CTIF: variants seen among roughly 807,000 people sequenced by gnomAD.
CTIF encodes the protein cap binding complex dependent translation initiation factor, also known as CBP80/20-dependent translation initiation factor.
In CTIF, 21 loss-of-function variants were observed where a neutral mutation model predicts 66.0. That is an observed-to-expected ratio of 0.32 (90% CI 0.23 to 0.46). The LOEUF (loss-of-function observed/expected upper bound fraction) is 0.46. CTIF is among the 20% of genes least tolerant of loss of function. The probability of loss-of-function intolerance (pLI) is 1.00; values close to 1 mark genes in which losing one functional copy is unlikely to be tolerated. For missense variants in CTIF, 739 were observed against 812.7 expected (o/e 0.91, Z 1.10); for synonymous variants, 345 against 326.4 (o/e 1.06, Z -0.62).
chr18:48,708,106 T>A (rs940575964), intron 6 of CTIF, among the ~76,000 whole-genome samples: 1 of 152,234 alleles, frequency 6.6e-6, no homozygotes, highest in Non-Finnish European at 1.5e-5. Context: ...ATAATTTATT[T>A]ATCCAGTCAT....
chr18:48,554,401 G>A (rs1303969774), intron 1 of CTIF, among the ~76,000 whole-genome samples: 4 of 152,218 alleles, frequency 2.6e-5, no homozygotes, highest in Non-Finnish European at 4.4e-5. Flanking sequence ...GCTCCAGGCT[G>A]CCCCTGTACC....
intron 6 of CTIF, among the ~76,000 whole-genome samples, chr18:48,693,190 A>G (rs1480027459): frequency 6.6e-6 from 1 of 152,228 alleles, no homozygotes; most frequent in Non-Finnish European, 1.5e-5. Context: ...CGGTGCCAGC[A>G]TCAGCGGAGG....
At chr18:48,673,125 T>C (rs1025253589) in intron 6 of CTIF, among the ~76,000 whole-genome samples, 1 of 152,048 alleles carries the variant, frequency 6.6e-6, no homozygotes, top group Non-Finnish European at 1.5e-5. Flanking sequence ...GTGGCATGGC[T>C]CCCACCACGT....
At chr18:48,800,677 G>A (rs1193441815) in intron 9 of CTIF, among the ~76,000 whole-genome samples, 2 of 152,194 alleles carry the variant, frequency 1.3e-5, no homozygotes, top group African/African-American at 2.4e-5. Flanking sequence ...CCCTGGCCAG[G>A]CATTTTCATC....
intron 1 of CTIF, among the ~76,000 whole-genome samples, chr18:48,578,535 A>G (rs1414922162): frequency 6.6e-6 from 1 of 152,184 alleles, no homozygotes; most frequent in Non-Finnish European, 1.5e-5. Flanking sequence ...GTAAAGTGGT[A>G]TCTCATTGTG....
intron 7 of CTIF, among the ~76,000 whole-genome samples, chr18:48,721,879 C>G (rs529407456): frequency 1.3e-5 from 2 of 152,292 alleles, no homozygotes; most frequent in East Asian, 3.9e-4. Context: ...TAAGGGTACA[C>G]AGTTTCTCAG....
intron 10 of CTIF, among the ~76,000 whole-genome samples, chr18:48,821,995 C>T (rs1444564808): frequency 6.6e-6 from 1 of 152,096 alleles, no homozygotes; most frequent in South Asian, 2.1e-4. Context: ...TGCACTTCCC[C>T]CTAGCCTCTG....
intron 3 of CTIF, among the ~76,000 whole-genome samples, chr18:48,647,734 G>A (rs1325609387): frequency 6.6e-6 from 1 of 152,216 alleles, no homozygotes; most frequent in East Asian, 1.9e-4. Flanking sequence ...GGGGCAAGGG[G>A]AGGAGCCCTG....
At chr18:48,847,734 C>G (rs2069111628) in intron 10 of CTIF, among the ~76,000 whole-genome samples, 1 of 152,242 alleles carries the variant, frequency 6.6e-6, no homozygotes, top group African/African-American at 2.4e-5. Flanking sequence ...TAGGCAGATA[C>G]TATCCCTGTT....
At chr18:48,592,503 A>G (rs1399561576) in intron 1 of CTIF, among the ~76,000 whole-genome samples, 1 of 151,284 alleles carries the variant, frequency 6.6e-6, no homozygotes, top group Non-Finnish European at 1.5e-5. Context: ...GTCTCAAAAA[A>G]AAAAAAAAAA....
At chr18:48,820,741 T>G (rs927424943) in intron 10 of CTIF, among the ~76,000 whole-genome samples, 1 of 152,070 alleles carries the variant, frequency 6.6e-6, no homozygotes, top group South Asian at 2.1e-4. Context: ...CCCCCGGGGC[T>G]CCCCTGCAGT....
Position 48,758,080 on chromosome 18 carries a change from G to A in CTIF, c.746G>A (p.Arg249His), listed in dbSNP as rs999388776. The A allele has an allele frequency of 7.4e-6, 12 of 1,613,896 alleles. No homozygotes were observed. The highest frequency in any genetic ancestry group is 5.3e-5 in the African/African-American group (4 of 74,866). The change falls in exon 8 of 12, where the codon CGC becomes CAC. Residue 249 changes from arginine (R) to histidine (H), a missense_variant. Around this residue, in one of 2 missense-constraint regions of CTIF, gnomAD observed 529 missense variants for 520.3 expected, o/e 1.02. Coordinates refer to ENST00000256413, the MANE Select transcript of CTIF (RefSeq NM_014772.3). Reference protein sequence around the residue: ...PTHHGYSQNRRWHHGNMKHPP... With the variant: ...PTHHGYSQNRHWHHGNMKHPP... Reference sequence around the variant, plus strand: ...CACCATGGCTACAGCCAGAACCGGCGCTGGCACCATGGCAACATGAAGCAC... The same window carrying A: ...CACCATGGCTACAGCCAGAACCGGCACTGGCACCATGGCAACATGAAGCAC...
intron 7 of CTIF, among the ~76,000 whole-genome samples, chr18:48,730,911 C>A (rs1041451391): frequency 1.3e-5 from 2 of 152,052 alleles, no homozygotes; most frequent in East Asian, 3.9e-4. Flanking sequence ...TGCTCTAGGA[C>A]GTTTTCATCA....
chr18:48,597,853 C>G (rs2090014995), intron 1 of CTIF, among the ~76,000 whole-genome samples: 1 of 152,226 alleles, frequency 6.6e-6, no homozygotes, highest in Non-Finnish European at 1.5e-5. Flanking sequence ...GCAGCTCCAG[C>G]CCTCTTGTCT....
At chr18:48,716,989 G>A (rs570562655) in intron 7 of CTIF, among the ~76,000 whole-genome samples, 7 of 152,310 alleles carry the variant, frequency 4.6e-5, no homozygotes, top group South Asian at 2.1e-4. Flanking sequence ...CCTGGCGTGC[G>A]GAGTGGGCCA....
intron 9 of CTIF, among the ~76,000 whole-genome samples, chr18:48,794,226 C>A (rs986510336): frequency 2.0e-5 from 3 of 152,250 alleles, no homozygotes; most frequent in Admixed American, 2.0e-4. Flanking sequence ...CCACTCACAT[C>A]TTTTGCTGCT....
Position 48,636,610 on chromosome 18 carries a change from G to T in CTIF, c.181-4G>T, listed in dbSNP as rs751484002. The T allele has an allele frequency of 1.7e-5, 27 of 1,561,716 alleles. No homozygotes were observed. The South Asian group carries it at 3.2e-4, about 18-fold the overall frequency. ...GTCACTGATCGCTCCTTTCTGTTCT[G>T]CAGTGGACAGCGGACTGCAGCGAAC... On this transcript the variant is annotated splice_region_variant and splice_polypyrimidine_tract_variant and intron_variant, in intron 2 of 11. Coordinates refer to ENST00000256413, the MANE Select transcript of CTIF (RefSeq NM_014772.3).
At chr18:48,568,683 T>C (rs1179909860) in intron 1 of CTIF, among the ~76,000 whole-genome samples, 3 of 78,846 alleles carry the variant, frequency 3.8e-5, no homozygotes, top group East Asian at 5.0e-4. Context: ...TTTAATGGAC[T>C]CACAGTTCCA....
chr18:48,821,939 T>C lies in CTIF; in HGVS notation c.1527+4563T>C, dbSNP rs561490535. ...TGTGCAGATCTCCAGAACATATGCATCTTGCATAACTTAAACTTTCACCCA... is the reference window on the plus strand; with the variant it reads ...TGTGCAGATCTCCAGAACATATGCACCTTGCATAACTTAAACTTTCACCCA... On this transcript the variant is annotated intron_variant, in intron 10 of 11. Coordinates refer to ENST00000256413, the MANE Select transcript of CTIF (RefSeq NM_014772.3). 8.2e-4 allele frequency among the ~76,000 whole-genome samples: 125 copies of C among 152,346 alleles called. No homozygotes were observed. The Middle Eastern group carries it at 0.017, about 21-fold the overall frequency.
Sources: allele counts gnomAD v4.1 joint callset (sites outside exome capture counted in the v4.1 genomes callset), GRCh38; gene constraint gnomAD v4.1.1; regional missense constraint gnomAD v4.1.1; transcripts MANE v1.5; gene names NCBI Gene and HGNC (gene_info 2026-07-23, HGNC 2026-07-21).